Variants in TASP1 observed in about 807,000 individuals in gnomAD.
TASP1 encodes the protein taspase 1, also known as threonine aspartase 1.
A neutral mutation model predicts 56.6 loss-of-function variants in TASP1; 16 were observed. The ratio of observed to expected loss-of-function variants is 0.28; its 90% CI spans 0.19 to 0.43. TASP1 has a LOEUF of 0.43. Ranked by LOEUF, TASP1 falls within the 20% of genes least tolerant of loss-of-function variation. The probability of loss-of-function intolerance (pLI) is 1.00; values close to 1 mark genes in which losing one functional copy is unlikely to be tolerated. For missense variants in TASP1, 393 were observed against 511.6 expected, an observed-to-expected ratio of 0.77 and a Z score of 2.24; for synonymous variants, 179 against 184.2, an observed-to-expected ratio of 0.97 and a Z score of 0.23.
chr20:13,439,133 T>C (rs949133230), intron 11 of TASP1, among the ~76,000 whole-genome samples: 5 of 152,242 alleles, frequency 3.3e-5, no homozygotes, highest in African/African-American at 1.2e-4. Flanking sequence ...AAACACCATT[T>C]GACCCAGCCA....
At chr20:13,301,656 G>A in the TASP1 span, among the ~76,000 whole-genome samples, 30 of 152,230 alleles carry the variant, frequency 2.0e-4, no homozygotes, top group African/African-American at 2.6e-4. Context: ...CAATGCGTCC[G>A]TGTATCAGGC....
chr20:13,259,607 GAAGT>G, the TASP1 span, among the ~76,000 whole-genome samples: 78 of 152,332 alleles, frequency 5.1e-4, no homozygotes, highest in African/African-American at 1.8e-3. Context: ...AAATGATGAT[GAAGT>G]AAGTGTGTAA....
At chr20:13,234,540 A>G in the TASP1 span, among the ~76,000 whole-genome samples, 1 of 152,210 alleles carries the variant, frequency 6.6e-6, no homozygotes, top group African/African-American at 2.4e-5. Flanking sequence ...ACTGTTTTCT[A>G]TAAAGGTTGT....
At chr20:13,182,935 CA>C in the TASP1 span, among the ~76,000 whole-genome samples, 1 of 152,148 alleles carries the variant, frequency 6.6e-6, no homozygotes, top group South Asian at 2.1e-4. Flanking sequence ...AGGAACATAG[CA>C]AAATAGCTAA....
At chr20:13,130,729 G>C in the TASP1 span, among the ~76,000 whole-genome samples, 1 of 152,202 alleles carries the variant, frequency 6.6e-6, no homozygotes, top group Non-Finnish European at 1.5e-5. Context: ...CCCAAAAGTG[G>C]AGATTTGATT....
intron 1 of TASP1, among the ~76,000 whole-genome samples, chr20:13,638,289 G>T (rs1296856985): frequency 6.6e-6 from 1 of 151,710 alleles, no homozygotes; most frequent in Non-Finnish European, 1.5e-5. Context: ...CCCTACAGAA[G>T]CCAGGAAAGT....
the TASP1 span, among the ~76,000 whole-genome samples, chr20:13,254,860 T>C: frequency 3.3e-5 from 5 of 152,240 alleles, no homozygotes; most frequent in Non-Finnish European, 5.9e-5. Context: ...GCCACACTTA[T>C]TGGGCATTGA....
chr20:13,611,554 T>C (rs1450138308), intron 4 of TASP1, among the ~76,000 whole-genome samples: 3 of 152,208 alleles, frequency 2.0e-5, no homozygotes, highest in Non-Finnish European at 1.5e-5. Flanking sequence ...GGCTTTACTA[T>C]TAGTTTGGTA....
intron 11 of TASP1, among the ~76,000 whole-genome samples, chr20:13,448,634 G>A (rs537070651): frequency 6.6e-5 from 10 of 152,152 alleles, no homozygotes; most frequent in East Asian, 1.9e-4. Context: ...AATAAAATAC[G>A]CAAGTAGACT....
At chr20:13,549,540 G>A (rs2045912609) in intron 8 of TASP1, among the ~76,000 whole-genome samples, 1 of 151,976 alleles carries the variant, frequency 6.6e-6, no homozygotes, top group South Asian at 2.1e-4. Flanking sequence ...GTCTATGATA[G>A]GGCAAATCAG....
At chr20:13,354,876 C>G in the TASP1 span, among the ~76,000 whole-genome samples, 1 of 151,724 alleles carries the variant, frequency 6.6e-6, no homozygotes, top group Admixed American at 6.6e-5. Flanking sequence ...ACTGGCAGAT[C>G]TAATGGATAA....
In TASP1 at chr20:13,392,776, G is replaced by A. The variant is rs375069255; in HGVS notation, c.1171-2324C>T. 1.1e-4 allele frequency: 64 copies of A among 606,050 alleles called. 3 individuals are homozygous for A. Among genetic ancestry groups the A allele is most frequent in the South Asian group, 7.7e-4 (56 of 72,326 alleles). 37.5% of individuals were successfully genotyped at this position (606,050 alleles called of 1,614,324 possible). ...TAAAGCAGATGTTCTCACCATCAGTGACCCCTTCCTTGACCTCAACTACAT... is the reference window on the plus strand; with the variant it reads ...TAAAGCAGATGTTCTCACCATCAGTAACCCCTTCCTTGACCTCAACTACAT... On this transcript the variant is annotated intron_variant, in intron 13 of 13. Transcript: ENST00000337743.
chr20:13,561,539 G>A (rs1269585971), intron 7 of TASP1, among the ~76,000 whole-genome samples: 17 of 151,910 alleles, frequency 1.1e-4, no homozygotes, highest in Admixed American at 1.1e-3. Flanking sequence ...CTAATTTTTT[G>A]TATTTTTAGT....
the TASP1 span, among the ~76,000 whole-genome samples, chr20:13,186,392 G>T: frequency 1.3e-5 from 2 of 152,098 alleles, no homozygotes; most frequent in Non-Finnish European, 2.9e-5. Context: ...TACCTAAAGA[G>T]GCTGCAGGGG....
At chr20:13,439,219 C>T (rs1279808591) in intron 11 of TASP1, among the ~76,000 whole-genome samples, 1 of 152,164 alleles carries the variant, frequency 6.6e-6, no homozygotes, top group Non-Finnish European at 1.5e-5. Context: ...ATGTTTACTG[C>T]AGCACTATTC....
the TASP1 span, among the ~76,000 whole-genome samples, chr20:13,284,971 T>C: frequency 1.3e-5 from 2 of 152,320 alleles, no homozygotes; most frequent in African/African-American, 2.4e-5. Flanking sequence ...GTATTTGTAA[T>C]AGTTAGCTTT....
At chr20:13,213,537 G>A in the TASP1 span, among the ~76,000 whole-genome samples, 1 of 152,136 alleles carries the variant, frequency 6.6e-6, no homozygotes, top group African/African-American at 2.4e-5. Context: ...TATGGTCACA[G>A]CCCACTGCCC....
chr20:13,179,406 C>CGT, the TASP1 span, among the ~76,000 whole-genome samples: 6,445 of 143,448 alleles, frequency 0.045, 258 homozygotes, highest in African/African-American at 0.1. Context: ...GAATTATGTG[C>CGT]GTGTGTGTGT....
the TASP1 span, among the ~76,000 whole-genome samples, chr20:13,244,809 C>T: frequency 3.3e-5 from 5 of 152,162 alleles, no homozygotes; most frequent in Non-Finnish European, 5.9e-5. Flanking sequence ...AGGTGTGTTT[C>T]ACCTAAGTGT....
Sources: allele counts gnomAD v4.1 joint callset (sites outside exome capture counted in the v4.1 genomes callset), GRCh38; gene constraint gnomAD v4.1.1; transcripts MANE v1.5; gene names NCBI Gene and HGNC (gene_info 2026-07-23, HGNC 2026-07-21).